RAD51B: variants seen among roughly 807,000 people sequenced by gnomAD.
RAD51B encodes RAD51 paralog B, also known as DNA repair protein RAD51 homolog 2.
RAD51B carries 38 observed loss-of-function variants against 42.2 expected under a neutral mutation model. The observed-to-expected ratio is 0.90, with a 90% CI of 0.70 to 1.18. The LOEUF (loss-of-function observed/expected upper bound fraction) is 1.18, where lower values mean the gene tolerates loss of function less well. Ranked by LOEUF, RAD51B falls within the 50% of genes most tolerant of loss-of-function variation. RAD51B has a pLI of 0.00. For synonymous variants in RAD51B, 154 were observed against 145.2 expected (o/e 1.06, Z -0.43); for missense variants, 373 against 400.7 (o/e 0.93, Z 0.59).
intron 7 of RAD51B, among the ~76,000 whole-genome samples, chr14:68,260,482 G>A (rs143889773): frequency 6.6e-5 from 10 of 152,216 alleles, no homozygotes; most frequent in East Asian, 1.9e-4. Context: ...TTAAGATCCA[G>A]ACCCAAGGAA....
At chr14:68,441,326 A>T (rs923135550) in intron 9 of RAD51B, among the ~76,000 whole-genome samples, 4 of 148,874 alleles carry the variant, frequency 2.7e-5, no homozygotes, top group Admixed American at 2.0e-4. Flanking sequence ...GTGGATCACG[A>T]GGTCAGGAGA....
intron 7 of RAD51B, among the ~76,000 whole-genome samples, chr14:68,246,144 G>T (rs2080493224): frequency 6.6e-6 from 1 of 151,968 alleles, no homozygotes; most frequent in East Asian, 1.9e-4. Context: ...ACACACAGTG[G>T]GCCCTAACTC....
At chr14:68,419,035 A>G (rs1003255347) in intron 9 of RAD51B, among the ~76,000 whole-genome samples, 3 of 152,180 alleles carry the variant, frequency 2.0e-5, no homozygotes, top group Admixed American at 6.5e-5. Context: ...AACAATGAAG[A>G]TCCCAGGCCC....
intron 10 of RAD51B, among the ~76,000 whole-genome samples, chr14:68,625,842 G>C (rs189014217): frequency 2.6e-5 from 4 of 152,226 alleles, no homozygotes; most frequent in South Asian, 2.1e-4. Context: ...GGTTTCCAGG[G>C]CTGCCCCGCA....
intron 10 of RAD51B, among the ~76,000 whole-genome samples, chr14:68,645,503 G>A (rs1011822701): frequency 6.6e-6 from 1 of 152,036 alleles, no homozygotes; most frequent in African/African-American, 2.4e-5. Flanking sequence ...AGTTATTTTG[G>A]GTATGTACCC....
intron 7 of RAD51B, among the ~76,000 whole-genome samples, chr14:67,960,624 A>G (rs1217268050): frequency 6.6e-6 from 1 of 152,220 alleles, no homozygotes; most frequent in African/African-American, 2.4e-5. Context: ...GAACTTAGAT[A>G]TATTAATTAA....
intron 10 of RAD51B, chr14:68,563,569 T>C (rs1164433698): frequency 1.0e-6 from 1 of 985,374 alleles, no homozygotes; most frequent in Non-Finnish European, 1.2e-6. Context: ...AGCCATTTCT[T>C]GTGTGCCTTC....
intron 8 of RAD51B, among the ~76,000 whole-genome samples, chr14:68,400,441 G>A (rs2084068153): frequency 6.6e-6 from 1 of 152,180 alleles, no homozygotes; most frequent in Non-Finnish European, 1.5e-5. Context: ...AGAATCAGCA[G>A]CTGTATTCAT....
intron 3 of RAD51B, 47 bp from the exon 4 acceptor site, chr14:67,835,033 G>A (rs535406178): frequency 7.2e-7 from 1 of 1,396,412 alleles, no homozygotes; most frequent in Non-Finnish European, 1.0e-6. Context: ...TTATGTTTTT[G>A]AATATATATA....
chr14:68,058,101 TA>T (rs2076507311), intron 7 of RAD51B, among the ~76,000 whole-genome samples: 1 of 152,110 alleles, frequency 6.6e-6, no homozygotes, highest in African/African-American at 2.4e-5. Flanking sequence ...ATGATATAAT[TA>T]AAAAATTGAG....
intron 7 of RAD51B, among the ~76,000 whole-genome samples, chr14:68,254,423 T>C (rs925510281): frequency 6.6e-6 from 1 of 152,214 alleles, no homozygotes. Flanking sequence ...TTAACTGAAA[T>C]TGATTATTTC....
rs533444763 is a variant in RAD51B, at chr14:68,375,001, G to A, written c.854-36423G>A. ...ATAATCACACCCATTAGCTCACCAGGGCCCTATTAAGATGTGGCCTGGCTT... is the reference window on the plus strand; with the variant it reads ...ATAATCACACCCATTAGCTCACCAGAGCCCTATTAAGATGTGGCCTGGCTT... On this transcript the variant is annotated intron_variant, in intron 8 of 10. Coordinates refer to ENST00000471583, the MANE Select transcript of RAD51B (RefSeq NM_133510.4). Among the ~76,000 whole-genome samples the A allele has an allele frequency of 1.5e-4, 23 of 151,496 alleles. No homozygotes were observed. In the South Asian group the frequency reaches 4.8e-3, roughly 32 times the overall value.
intron 10 of RAD51B, among the ~76,000 whole-genome samples, chr14:68,629,942 C>T (rs978850168): frequency 2.6e-5 from 4 of 152,234 alleles, no homozygotes; most frequent in African/African-American, 9.6e-5. Flanking sequence ...CAGAGGCGAG[C>T]CTGGAGGCCA....
intron 7 of RAD51B, among the ~76,000 whole-genome samples, chr14:68,169,669 T>C (rs564907584): frequency 6.6e-6 from 1 of 152,294 alleles, no homozygotes; most frequent in South Asian, 2.1e-4. Flanking sequence ...TGTGGCCAGA[T>C]GGTCTGAGAG....
chr14:68,602,158 C>A (rs72729542), intron 10 of RAD51B, among the ~76,000 whole-genome samples: 1,626 of 152,168 alleles, frequency 0.011, 15 homozygotes, highest in Non-Finnish European at 0.016. Context: ...CTGCTCCCTT[C>A]CGTGGGCCGC....
At chr14:67,864,817 G>A (rs2042271443) in intron 4 of RAD51B, 186 bp from the exon 5 acceptor site, 1 of 959,424 alleles carries the variant, frequency 1.0e-6, no homozygotes, top group East Asian at 2.9e-5. Flanking sequence ...CAATTCAGAT[G>A]CAGAGGGGAG....
rs952429026 is a variant in RAD51B at position 68,346,961 on chromosome 14, C to A, written c.853+54981C>A. The stretch of plus-strand genomic sequence containing the variant: ...CCCCTCTTGCCTTCCCTCTACCCCC[C>A]AAGGCTGGCTCAGCTTTTAAGACTC... On this transcript the variant is annotated intron_variant, in intron 8 of 10. Coordinates refer to ENST00000471583, the MANE Select transcript of RAD51B (RefSeq NM_133510.4). Among the ~76,000 whole-genome samples, 4 of 152,298 alleles carry A rather than the reference C, an allele frequency of 2.6e-5. No homozygotes were observed. The South Asian group carries it at 6.2e-4, about 24-fold the overall frequency.
intron 7 of RAD51B, among the ~76,000 whole-genome samples, chr14:67,982,373 G>A (rs969435858): frequency 1.3e-5 from 2 of 152,052 alleles, no homozygotes; most frequent in Non-Finnish European, 2.9e-5. Flanking sequence ...ATATGCACTA[G>A]CATATTATAA....
At chr14:67,996,109 G>T (rs1322333160) in intron 7 of RAD51B, among the ~76,000 whole-genome samples, 1 of 151,788 alleles carries the variant, frequency 6.6e-6, no homozygotes, top group East Asian at 1.9e-4. Context: ...GGTAATGGTG[G>T]TCCAGGCTTG....
Sources: allele counts gnomAD v4.1 joint callset (sites outside exome capture counted in the v4.1 genomes callset), GRCh38; gene constraint gnomAD v4.1.1; transcripts MANE v1.5; gene names NCBI Gene and HGNC (gene_info 2026-07-23, HGNC 2026-07-21).